Variants in SAFB observed in about 807,000 individuals in gnomAD.
The protein encoded by SAFB is scaffold attachment factor B1.
In SAFB, 15 loss-of-function variants were observed where a neutral mutation model predicts 101.6. That is an observed-to-expected ratio of 0.15 (90% confidence interval 0.10 to 0.23). The LOEUF is 0.23. Among genes scored for constraint, SAFB ranks in the 10% least tolerant of loss-of-function variants. The pLI is 1.00. For missense variants in SAFB, 930 were observed against 1,104.1 expected (o/e 0.84, Z 2.23); for synonymous variants, 449 against 407.5 (o/e 1.10, Z -1.23).
chr19:5,642,592 A>G (rs1750241986), intron 4 of SAFB, among the ~76,000 whole-genome samples: 1 of 149,102 alleles, frequency 6.7e-6, no homozygotes, highest in East Asian at 2.1e-4. Context: ...TAGTAAGATT[A>G]TAGTGGGTAG....
chr19:5,652,158 A>C (rs2053953200), intron 9 of SAFB, among the ~76,000 whole-genome samples: 2 of 151,852 alleles, frequency 1.3e-5, no homozygotes, highest in Admixed American at 1.3e-4. Context: ...GTGCCACTGC[A>C]CTCCAGCCTG....
At chr19:5,630,681 G>A (rs1437589220) in intron 2 of SAFB, among the ~76,000 whole-genome samples, 1 of 151,562 alleles carries the variant, frequency 6.6e-6, no homozygotes, top group African/African-American at 2.4e-5. Flanking sequence ...GCTTGAACCC[G>A]GGAAGCAGAG....
intron 1 of SAFB, 152 bp from the exon 2 acceptor site, chr19:5,626,253 A>G: frequency 1.5e-5 from 8 of 526,692 alleles, no homozygotes; most frequent in South Asian, 8.0e-5. Flanking sequence ...GAGCGAGATA[A>G]CAGATGAGTG....
intron 16 of SAFB, 115 bp from the exon 17 acceptor site, chr19:5,664,282 C>A: frequency 7.0e-7 from 1 of 1,430,828 alleles, no homozygotes; most frequent in Non-Finnish European, 9.8e-7. Context: ...GTCAGACCCG[C>A]AGGTCTCCTG....
At chr19:5,635,590 G>T (rs1035173036) in intron 2 of SAFB, among the ~76,000 whole-genome samples, 4 of 152,106 alleles carry the variant, frequency 2.6e-5, no homozygotes, top group African/African-American at 9.7e-5. Context: ...AATTAGGGAA[G>T]TGTGTTTGTG....
chr19:5,667,526 TG>T lies in SAFB; in HGVS notation c.2557+81del, dbSNP rs2054360699. The T allele has an allele frequency of 5.7e-6, 6 of 1,049,582 alleles. No individual in the cohort carries two copies. Among genetic ancestry groups the T allele is most frequent in the Non-Finnish European group, 7.0e-6 (5 of 717,048 alleles). 65.0% of individuals were successfully genotyped at this position (1,049,582 alleles called of 1,614,324 possible). A position where few individuals can be genotyped will look rare whatever the true frequency, so the allele number is the denominator to read the frequency against. On this transcript the variant is annotated intron_variant, in intron 19 of 20. Transcript: ENST00000588852. This position sits in a 1 kb window ranked among gnomAD's most constrained non-coding sequence, Gnocchi z 4.0. The stretch of plus-strand genomic sequence containing the variant: ...AGATGGAGGCCGCGCCTTCTCTCCT[TG>T]GGGGAGCACAGGAGGTGCTCTGCTC...
intron 4 of SAFB, among the ~76,000 whole-genome samples, chr19:5,644,249 C>T (rs922454442): frequency 6.6e-6 from 1 of 152,106 alleles, no homozygotes; most frequent in Non-Finnish European, 1.5e-5. Flanking sequence ...CTAGGCAGCT[C>T]CAACAAAGTG....
At chr19:5,657,374 G>T in intron 14 of SAFB, 27 bp downstream of exon 14, 1 of 1,488,426 alleles carries the variant, frequency 6.7e-7, no homozygotes, top group South Asian at 1.1e-5. Flanking sequence ...GAACGGTTTG[G>T]TGTTTTTCCT....
In SAFB at chr19:5,661,645, A is replaced by C. The variant is rs200332592; in HGVS notation, c.1990A>C (p.Met664Leu). The C allele has an allele frequency of 5.6e-5, 90 of 1,612,048 alleles. No homozygotes were observed. Among genetic ancestry groups the C allele is most frequent in the Non-Finnish European group, 5.5e-5 (65 of 1,179,636 alleles). The change falls in exon 15 of 21, where the codon ATG becomes CTG. Residue 664 changes from methionine to leucine, a missense_variant. Physicochemically the swap from Met to Leu is conservative, Grantham distance 15. Coordinates refer to ENST00000588852, the MANE Select transcript of SAFB (RefSeq NM_001201338.2). ...GCGCCAGCGGCTGGAGCGGGAGCGC[A>C]TGGAGCGGGAACGGCTGGAGCGCGA... ...FQRQRLERERMERERLERERM... is the reference protein window; with the variant it reads ...FQRQRLERERLERERLERERM...
Position 5,651,593 on chromosome 19 carries a change from T to C in SAFB, c.1293+521T>C, listed in dbSNP as rs991919698. Among the ~76,000 whole-genome samples the C allele has an allele frequency of 9.2e-5, 14 of 152,294 alleles. No individual in the cohort carries two copies. The South Asian group carries it at 2.5e-3, about 27-fold the overall frequency. The stretch of plus-strand genomic sequence containing the variant: ...ACTGGGGGCAGTTCTAGTGGCCTCT[T>C]GTCTGCAGCACCTGCCTTTCCTGAG... On this transcript the variant is annotated intron_variant, in intron 9 of 20. Coordinates refer to ENST00000588852, the MANE Select transcript of SAFB (RefSeq NM_001201338.2).
chr19:5,642,724 G>A (rs1006574522), intron 4 of SAFB, among the ~76,000 whole-genome samples: 6 of 136,564 alleles, frequency 4.4e-5, no homozygotes, highest in Admixed American at 2.5e-4. Context: ...GTGCAGTGGC[G>A]CGATCTCAGC....
intron 2 of SAFB, among the ~76,000 whole-genome samples, chr19:5,634,272 T>G (rs1479608833): frequency 6.6e-6 from 1 of 152,054 alleles, no homozygotes; most frequent in Non-Finnish European, 1.5e-5. Flanking sequence ...AAAAGGAAAT[T>G]TTATAATGTG....
At chr19:5,634,336 G>C (rs2053551317) in intron 2 of SAFB, among the ~76,000 whole-genome samples, 2 of 152,038 alleles carry the variant, frequency 1.3e-5, no homozygotes, top group Non-Finnish European at 2.9e-5. Context: ...TTCTGGGCGG[G>C]GGGGAATACA....
intron 20 of SAFB, 30 bp from the exon 21 acceptor site, chr19:5,668,132 G>A (rs774390574): frequency 4.4e-6 from 7 of 1,599,530 alleles, no homozygotes; most frequent in South Asian, 3.3e-5. Context: ...GGAGGACTTC[G>A]CAGTCAAACC....
At chr19:5,651,929 C>T (rs2053947718) in intron 9 of SAFB, among the ~76,000 whole-genome samples, 1 of 152,252 alleles carries the variant, frequency 6.6e-6, no homozygotes. Flanking sequence ...GGTGTGGTGG[C>T]TCACGCCTGT....
intron 2 of SAFB, among the ~76,000 whole-genome samples, chr19:5,630,916 G>T (rs1468758819): frequency 6.6e-6 from 1 of 152,122 alleles, no homozygotes; most frequent in Non-Finnish European, 1.5e-5. Flanking sequence ...TTTAGGCTGG[G>T]CGTGGTGGCT....
chr19:5,653,288 G>A (rs1035024439), intron 10 of SAFB, 24 bp downstream of exon 10: 2 of 1,613,906 alleles, frequency 1.2e-6, no homozygotes, highest in Non-Finnish European at 1.7e-6. Flanking sequence ...TTCTTCCCAG[G>A]ATATAGCCCA....
At chr19:5,658,733 C>G (rs1045806225) in intron 14 of SAFB, among the ~76,000 whole-genome samples, 1 of 151,856 alleles carries the variant, frequency 6.6e-6, no homozygotes, top group African/African-American at 2.4e-5. Flanking sequence ...GTCCCAGCTA[C>G]TCGGTAGGCT....
chr19:5,668,102 C>G lies in SAFB; in HGVS notation c.2625-60C>G, dbSNP rs1468471820. Reference sequence around the variant, plus strand: ...GCAACACTCAGGGAAGCTGTGCAGGCTGGGATGGGCCGGGGAGCAGGAGGA... The same window carrying G: ...GCAACACTCAGGGAAGCTGTGCAGGGTGGGATGGGCCGGGGAGCAGGAGGA... On this transcript the variant is annotated intron_variant, in intron 20 of 20. Transcript: ENST00000588852. The G allele has an allele frequency of 2.5e-6, 4 of 1,582,410 alleles. No homozygotes were observed. The East Asian group carries it at 9.1e-5, about 36-fold the overall frequency.
Sources: gnomAD v4.1 joint callset for allele counts (sites outside exome capture counted in the v4.1 genomes callset) on GRCh38, gnomAD v4.1.1 for gene constraint, Gnocchi (gnomAD v3.1) non-coding constraint, MANE v1.5 for transcripts, NCBI Gene and HGNC (gene_info 2026-07-23, HGNC 2026-07-21) for gene names.